Variants in LRCH3 observed in about 807,000 individuals in gnomAD.
The protein encoded by LRCH3 is DISP complex protein LRCH3.
A neutral mutation model predicts 104.5 loss-of-function variants in LRCH3; 68 were observed. The observed-to-expected ratio is 0.65, with a 90% confidence interval of 0.54 to 0.80. The LOEUF is 0.80. Ranked by LOEUF, LRCH3 falls within the 30% of genes least tolerant of loss-of-function variation. The pLI, the probability that LRCH3 is intolerant of heterozygous loss-of-function variation, is 0.00. For synonymous variants in LRCH3, 344 were observed against 361.3 expected, an observed-to-expected ratio of 0.95 and a Z score of 0.54; for missense variants, 951 against 953.9, an observed-to-expected ratio of 1.00 and a Z score of 0.04.
intron 10 of LRCH3, among the ~76,000 whole-genome samples, chr3:197,846,559 A>G (rs2109379028): frequency 6.7e-6 from 1 of 150,344 alleles, no homozygotes; most frequent in South Asian, 2.1e-4. Flanking sequence ...AAAAAAAAAC[A>G]AAAAAAACAA....
intron 15 of LRCH3, among the ~76,000 whole-genome samples, chr3:197,863,417 T>C (rs879368221): frequency 9.2e-5 from 14 of 152,054 alleles, no homozygotes; most frequent in South Asian, 6.2e-4. Context: ...GCCACCACCA[T>C]GCCCACCTAA....
rs551008576 is a variant in LRCH3, at chr3:197,879,553, G to A, written c.2208+3778G>A. 3.1e-4 allele frequency among the ~76,000 whole-genome samples: 47 copies of A among 152,102 alleles called. 1 individual carries two copies. In the South Asian group the frequency reaches 8.7e-3, roughly 28 times the overall value. The stretch of plus-strand genomic sequence containing the variant: ...CCCAGCTGCTCGGGAGGCTGAGGCG[G>A]GAGAATGGCGGGAACCCGGGAGGCG... On this transcript the variant is annotated intron_variant, in intron 20 of 20. Transcript: ENST00000425562.
chr3:197,875,893 C>T, intron 20 of LRCH3, 118 bp downstream of exon 20: 1 of 630,894 alleles, frequency 1.6e-6, no homozygotes, highest in Non-Finnish European at 2.7e-6. Flanking sequence ...TCATAATTAA[C>T]ATGACTTTGT....
intron 9 of LRCH3, 112 bp from the exon 10 acceptor site, chr3:197,839,209 A>G: frequency 2.9e-6 from 2 of 681,474 alleles, no homozygotes; most frequent in Non-Finnish European, 2.4e-6. Flanking sequence ...GAGTCTATTA[A>G]AATGTTTTTT....
intron 1 of LRCH3, among the ~76,000 whole-genome samples, chr3:197,792,089 T>G (rs2109074057): frequency 6.6e-6 from 1 of 151,348 alleles, no homozygotes. Flanking sequence ...AGTGTTGGGG[T>G]GTGTGTGTGT....
chr3:197,794,780 A>C (rs899410489), intron 1 of LRCH3, among the ~76,000 whole-genome samples: 6 of 152,162 alleles, frequency 3.9e-5, no homozygotes, highest in Non-Finnish European at 8.8e-5. Flanking sequence ...CAGGGCGGGC[A>C]GATCACCTGA....
intron 12 of LRCH3, chr3:197,850,319 A>T (rs1185900405): frequency 3.0e-6 from 2 of 673,386 alleles, no homozygotes; most frequent in Non-Finnish European, 5.0e-6. Context: ...TACTCATTTA[A>T]TTCTCCCAAC....
At chr3:197,838,090 T>C (rs1737137363) in intron 9 of LRCH3, among the ~76,000 whole-genome samples, 1 of 151,234 alleles carries the variant, frequency 6.6e-6, no homozygotes, top group Non-Finnish European at 1.5e-5. Flanking sequence ...GGTAAGCCAC[T>C]GGTACAGCGT....
chr3:197,872,934 A>G (rs1367445256), intron 19 of LRCH3, among the ~76,000 whole-genome samples: 1 of 152,226 alleles, frequency 6.6e-6, no homozygotes, highest in African/African-American at 2.4e-5. Flanking sequence ...GAAGATAACA[A>G]GCCGGGACTA....
intron 1 of LRCH3, among the ~76,000 whole-genome samples, chr3:197,814,512 A>T (rs192362195): frequency 6.6e-6 from 1 of 152,314 alleles, no homozygotes; most frequent in Non-Finnish European, 1.5e-5. Flanking sequence ...GTAGTTCAAT[A>T]TATGTGATGA....
intron 16 of LRCH3, among the ~76,000 whole-genome samples, 185 bp from the exon 17 acceptor site, chr3:197,865,927 G>A (rs1242039892): frequency 6.6e-6 from 1 of 152,090 alleles, no homozygotes; most frequent in Non-Finnish European, 1.5e-5. Context: ...ACATGACAAT[G>A]TAAAATACAT....
At chr3:197,817,328 A>ACGTGTGTGTGTGTG in intron 3 of LRCH3, 26 bp downstream of exon 3, 3 of 348,402 alleles carry the variant, frequency 8.6e-6, no homozygotes, top group East Asian at 1.0e-3. Context: ...TGATTGTCCA[A>ACGTGTGTGTGTGTG]CATGTGTGTG....
intron 1 of LRCH3, among the ~76,000 whole-genome samples, chr3:197,808,196 TAGGACAA>T (rs1206912958): frequency 6.6e-6 from 1 of 152,120 alleles, no homozygotes; most frequent in East Asian, 1.9e-4. Context: ...GAGAGGAGAT[TAGGACAA>T]AGACAAAGAG....
At chr3:197,816,237 G>A (rs1000884570) in intron 2 of LRCH3, among the ~76,000 whole-genome samples, 1 of 151,970 alleles carries the variant, frequency 6.6e-6, no homozygotes, top group Middle Eastern at 3.2e-3. Context: ...ATTTACATAC[G>A]TAAAGATCTT....
chr3:197,823,543 C>G (rs1734748453), intron 4 of LRCH3: 1 of 152,308 alleles, frequency 6.6e-6, no homozygotes, highest in South Asian at 2.1e-4. Context: ...GGCTGGAGTG[C>G]ATGGCGTGAC....
intron 1 of LRCH3, among the ~76,000 whole-genome samples, chr3:197,800,608 G>A (rs1366536636): frequency 2.0e-5 from 3 of 152,184 alleles, no homozygotes; most frequent in African/African-American, 2.4e-5. Context: ...GCTCTGGAAC[G>A]ATCCAGGAAG....
At chr3:197,865,574 C>T in intron 16 of LRCH3, 103 bp downstream of exon 16, 1 of 720,340 alleles carries the variant, frequency 1.4e-6, no homozygotes, top group Non-Finnish European at 2.1e-6. Flanking sequence ...CTGTGTTGAC[C>T]AGGGTGGTCT....
At chr3:197,839,271 G>A in intron 9 of LRCH3, 50 bp from the exon 10 acceptor site, 1 of 1,186,562 alleles carries the variant, frequency 8.4e-7, no homozygotes, top group Non-Finnish European at 1.2e-6. Context: ...TGTAATCGCA[G>A]TGTTCTGGAT....
chr3:197,809,582 CT>C (rs1008983445), intron 1 of LRCH3, among the ~76,000 whole-genome samples: 1,844 of 146,422 alleles, frequency 0.013, 33 homozygotes, highest in African/African-American at 0.043. Flanking sequence ...TCTGTTCAGT[CT>C]TTTTTTTTTT....
Sources: allele counts gnomAD v4.1 joint callset (sites outside exome capture counted in the v4.1 genomes callset), GRCh38; gene constraint gnomAD v4.1.1; transcripts MANE v1.5; gene names NCBI Gene and HGNC (gene_info 2026-07-23, HGNC 2026-07-21).